LRRC4C: variants seen among roughly 807,000 people sequenced by gnomAD.
The protein encoded by LRRC4C is leucine-rich repeat-containing protein 4C.
A neutral mutation model predicts 33.6 loss-of-function variants in LRRC4C; 5 were observed. The observed-to-expected ratio is 0.15, with a 90% CI of 0.08 to 0.31. The LOEUF (loss-of-function observed/expected upper bound fraction) is 0.31. Among genes scored for constraint, LRRC4C ranks in the 10% least tolerant of loss-of-function variants. LRRC4C has a pLI of 1.00. For missense variants in LRRC4C, 560 were observed against 796.7 expected (o/e 0.70, Z 3.58); for synonymous variants, 329 against 302.0 (o/e 1.09, Z -0.93).
chr11:40,694,725 A>G (rs1216264826), intron 2 of LRRC4C, among the ~76,000 whole-genome samples: 1 of 152,132 alleles, frequency 6.6e-6, no homozygotes, highest in East Asian at 1.9e-4. Flanking sequence ...AGCCAATAAA[A>G]CACAGGCAAT....
chr11:41,263,964 G>A (rs1752503537), intron 1 of LRRC4C, among the ~76,000 whole-genome samples: 1 of 152,028 alleles, frequency 6.6e-6, no homozygotes. Context: ...TCACAGTCTT[G>A]ATGCAGTTTT....
chr11:40,318,073 G>A (rs1027488330), intron 4 of LRRC4C, among the ~76,000 whole-genome samples: 1 of 152,018 alleles, frequency 6.6e-6, no homozygotes. Context: ...AGACATACCC[G>A]AGAACATTGA....
At chr11:41,405,028 A>C (rs1287437202) in intron 1 of LRRC4C, among the ~76,000 whole-genome samples, 2 of 152,142 alleles carry the variant, frequency 1.3e-5, no homozygotes, top group Non-Finnish European at 2.9e-5. Context: ...TCTATCAATA[A>C]TGTGGGTCCA....
chr11:41,382,693 A>G (rs1953200417), intron 1 of LRRC4C, among the ~76,000 whole-genome samples: 4 of 152,134 alleles, frequency 2.6e-5, no homozygotes, highest in Admixed American at 1.3e-4. Flanking sequence ...ATATAAAACT[A>G]AAATGTTAGT....
intron 1 of LRRC4C, among the ~76,000 whole-genome samples, chr11:40,974,660 C>T (rs1232797445): frequency 1.3e-5 from 2 of 152,178 alleles, no homozygotes; most frequent in African/African-American, 4.8e-5. Flanking sequence ...AAGCATTACA[C>T]TTAGGTGTGT....
At chr11:41,148,848 T>C (rs148533382) in intron 1 of LRRC4C, among the ~76,000 whole-genome samples, 3 of 152,310 alleles carry the variant, frequency 2.0e-5, no homozygotes, top group African/African-American at 7.2e-5. Flanking sequence ...TGTAAAATCC[T>C]GAGCCCAGTA....
intron 1 of LRRC4C, among the ~76,000 whole-genome samples, chr11:40,953,602 C>T (rs535970667): frequency 1.7e-3 from 252 of 151,876 alleles, no homozygotes; most frequent in Middle Eastern, 3.4e-3. Context: ...AGGCTTTAAA[C>T]CCCAAGCACA....
intron 2 of LRRC4C, among the ~76,000 whole-genome samples, chr11:40,693,506 A>G (rs934454712): frequency 6.6e-6 from 1 of 152,080 alleles, no homozygotes; most frequent in Non-Finnish European, 1.5e-5. Context: ...TGCAGGGGGT[A>G]GGTAATCTGC....
At chr11:40,615,238 T>TTTTATATATATA (rs1408452073) in intron 3 of LRRC4C, among the ~76,000 whole-genome samples, 2 of 88,176 alleles carry the variant, frequency 2.3e-5, no homozygotes, top group Non-Finnish European at 4.9e-5. Flanking sequence ...TTGATTTATT[T>TTTTATATATATA]TATATATATA....
chr11:40,167,911 G>T (rs1359853936), intron 5 of LRRC4C, among the ~76,000 whole-genome samples: 1 of 152,134 alleles, frequency 6.6e-6, no homozygotes, highest in Admixed American at 6.5e-5. Flanking sequence ...AGTCGTGGTG[G>T]CACAAGCCTG....
chr11:40,177,412 T>C (rs1860598817), intron 5 of LRRC4C, among the ~76,000 whole-genome samples: 3 of 152,182 alleles, frequency 2.0e-5, no homozygotes, highest in Admixed American at 6.5e-5. Flanking sequence ...AGAGCTTATA[T>C]CATTGCCCAT....
intron 2 of LRRC4C, among the ~76,000 whole-genome samples, chr11:40,706,642 C>A (rs1439985918): frequency 6.6e-6 from 1 of 152,032 alleles, no homozygotes; most frequent in African/African-American, 2.4e-5. Flanking sequence ...GTCAGGTAGC[C>A]TGATGCCTCC....
At chr11:40,234,538 G>A (rs1191655591) in intron 5 of LRRC4C, among the ~76,000 whole-genome samples, 1 of 152,172 alleles carries the variant, frequency 6.6e-6, no homozygotes, top group Non-Finnish European at 1.5e-5. Flanking sequence ...GGAGGCAAAG[G>A]TAAGAAGATC....
chr11:41,183,105 G>C (rs188277747), intron 1 of LRRC4C, among the ~76,000 whole-genome samples: 1 of 152,118 alleles, frequency 6.6e-6, no homozygotes, highest in Admixed American at 6.5e-5. Context: ...CCCATGACTC[G>C]TGGGAATTGT....
At chr11:41,126,511 C>T (rs1029865142) in intron 1 of LRRC4C, among the ~76,000 whole-genome samples, 7 of 151,892 alleles carry the variant, frequency 4.6e-5, no homozygotes, top group African/African-American at 1.7e-4. Context: ...AAATGTTTTG[C>T]ATGCTGAAGA....
At chr11:41,373,452 T>C (rs1447928425) in intron 1 of LRRC4C, among the ~76,000 whole-genome samples, 1 of 152,190 alleles carries the variant, frequency 6.6e-6, no homozygotes, top group Non-Finnish European at 1.5e-5. Flanking sequence ...TTCAGATAAT[T>C]GAAGTCTTCC....
rs888686677 is a variant in LRRC4C at position 41,283,283 on chromosome 11, C to T, written c.-496+176148G>A. On this transcript the variant is annotated intron_variant, in intron 1 of 6. Coordinates refer to ENST00000528697, the MANE Select transcript of LRRC4C (RefSeq NM_001258419.2). ...TTTTAAAAAGTAAAAGATTCATGTA[C>T]GAAAATATTCATCATAACATCATTT... Among the ~76,000 whole-genome samples, 119 of 152,146 alleles carry T rather than the reference C, an allele frequency of 7.8e-4. 1 individual carries two copies. The highest frequency in any genetic ancestry group is 2.6e-3 in the Admixed American group (40 of 15,286).
intron 5 of LRRC4C, among the ~76,000 whole-genome samples, chr11:40,209,704 T>G (rs1863438265): frequency 6.6e-6 from 1 of 152,156 alleles, no homozygotes; most frequent in Non-Finnish European, 1.5e-5. Flanking sequence ...AAAATATTTT[T>G]AACACTACCC....
At chr11:40,165,049 A>AC (rs1452562923) in intron 5 of LRRC4C, among the ~76,000 whole-genome samples, 1 of 152,226 alleles carries the variant, frequency 6.6e-6, no homozygotes, top group Non-Finnish European at 1.5e-5. Context: ...TTATTGAAGA[A>AC]CCATGGGTCA....
Sources: allele counts gnomAD v4.1 joint callset (sites outside exome capture counted in the v4.1 genomes callset), GRCh38; gene constraint gnomAD v4.1.1; transcripts MANE v1.5; gene names NCBI Gene and HGNC (gene_info 2026-07-23, HGNC 2026-07-21).